SPOCK3: variants seen among roughly 807,000 people sequenced by gnomAD.
The protein encoded by SPOCK3 is SPARC (osteonectin), cwcv and kazal like domains proteoglycan 3, also known as testican-3.
Under a neutral mutation model 56.6 loss-of-function variants are expected in SPOCK3, and 30 were observed. The ratio of observed to expected loss-of-function variants is 0.53; its 90% CI spans 0.40 to 0.72. The LOEUF (loss-of-function observed/expected upper bound fraction) is 0.72, where lower values mean the gene tolerates loss of function less well. SPOCK3 is among the 30% of genes least tolerant of loss of function. The pLI, the probability that SPOCK3 is intolerant of heterozygous loss-of-function variation, is 0.00. For missense variants in SPOCK3, 527 were observed against 530.0 expected (o/e 0.99, Z 0.06); for synonymous variants, 196 against 183.3 (o/e 1.07, Z -0.56).
chr4:167,232,677 CATTT>C lies in SPOCK3; in HGVS notation c.189+1304_189+1307del, dbSNP rs1737295869. ...TGCAACGGGTATGCTTTTATAAGGG[CATTT>C]ATTTAGCAATAAAATGATGCTTAAG... On this transcript the variant is annotated intron_variant, in intron 2 of 10. Transcript: ENST00000357545. Among the ~76,000 whole-genome samples, 4 of 152,134 alleles carry C rather than the reference CATTT, an allele frequency of 2.6e-5. No individual in the cohort carries two copies. The South Asian group carries it at 8.3e-4, about 32-fold the overall frequency.
At chr4:166,984,042 A>C (rs1327018156) in intron 4 of SPOCK3, among the ~76,000 whole-genome samples, 1 of 152,098 alleles carries the variant, frequency 6.6e-6, no homozygotes, top group Non-Finnish European at 1.5e-5. Context: ...AAATAATAAA[A>C]TAATATCACC....
At chr4:167,085,876 T>C (rs530516918) in intron 2 of SPOCK3, among the ~76,000 whole-genome samples, 1 of 152,152 alleles carries the variant, frequency 6.6e-6, no homozygotes, top group East Asian at 1.9e-4. Context: ...ATGATATAGG[T>C]ATTTATGTCA....
At chr4:167,089,404 T>C (rs1271860642) in intron 2 of SPOCK3, among the ~76,000 whole-genome samples, 1 of 152,162 alleles carries the variant, frequency 6.6e-6, no homozygotes, top group South Asian at 2.1e-4. Flanking sequence ...TTTAAAAATA[T>C]CAGTTTTTGC....
At chr4:167,179,373 T>C (rs1043017114) in intron 2 of SPOCK3, among the ~76,000 whole-genome samples, 28 of 152,230 alleles carry the variant, frequency 1.8e-4, no homozygotes, top group African/African-American at 6.0e-4. Flanking sequence ...AAAAATACCA[T>C]AGACAATGCT....
chr4:167,076,107 T>C (rs1355620141), intron 2 of SPOCK3, among the ~76,000 whole-genome samples: 3 of 151,886 alleles, frequency 2.0e-5, no homozygotes, highest in Admixed American at 6.6e-5. Context: ...GGTAAAACTA[T>C]GGAGGCATGA....
intron 6 of SPOCK3, among the ~76,000 whole-genome samples, chr4:166,854,408 A>G (rs1354237977): frequency 6.6e-6 from 1 of 152,188 alleles, no homozygotes; most frequent in Non-Finnish European, 1.5e-5. Flanking sequence ...TATGTTTGGT[A>G]CTGTTTGTTC....
intron 3 of SPOCK3, among the ~76,000 whole-genome samples, chr4:167,020,310 G>C (rs762338765): frequency 1.3e-5 from 2 of 151,982 alleles, no homozygotes; most frequent in Admixed American, 6.6e-5. Context: ...TGGCCTCTAG[G>C]GGAAATTTCT....
At chr4:167,115,891 G>T (rs1212247059) in intron 2 of SPOCK3, among the ~76,000 whole-genome samples, 3 of 151,894 alleles carry the variant, frequency 2.0e-5, no homozygotes, top group African/African-American at 7.2e-5. Flanking sequence ...AATTGCAGAA[G>T]AAAAATAAAT....
chr4:166,995,482 C>A (rs1023991769), intron 4 of SPOCK3, among the ~76,000 whole-genome samples: 1 of 151,882 alleles, frequency 6.6e-6, no homozygotes, highest in African/African-American at 2.4e-5. Context: ...TGTTCATATA[C>A]ATAAAATTGA....
intron 4 of SPOCK3, among the ~76,000 whole-genome samples, chr4:166,917,455 G>A (rs1737987641): frequency 6.6e-6 from 1 of 152,104 alleles, no homozygotes. Flanking sequence ...AAAAACCTAA[G>A]CTGGCTGAAA....
At chr4:166,906,148 T>C (rs1736583291) in intron 5 of SPOCK3, among the ~76,000 whole-genome samples, 1 of 152,050 alleles carries the variant, frequency 6.6e-6, no homozygotes, top group African/African-American at 2.4e-5. Context: ...TGCATCTGAA[T>C]TCAAAAGTCA....
intron 2 of SPOCK3, among the ~76,000 whole-genome samples, chr4:167,143,211 GACCAC>G (rs549033932): frequency 1.0e-3 from 153 of 152,008 alleles, no homozygotes; most frequent in African/African-American, 3.2e-3. Flanking sequence ...CTGTCCAATA[GACCAC>G]ACATCCCTCC....
At chr4:166,841,430 T>A (rs901803826) in intron 6 of SPOCK3, among the ~76,000 whole-genome samples, 5 of 152,108 alleles carry the variant, frequency 3.3e-5, no homozygotes, top group African/African-American at 1.2e-4. Context: ...TTTAAAAAAA[T>A]TTCTTAAAGT....
At position 167,033,392 on chromosome 4, in the gene SPOCK3, CATT is replaced by C. The variant is rs55774234; in HGVS notation, c.235+29097_235+29099del. On this transcript the variant is annotated intron_variant, in intron 3 of 10. Coordinates refer to ENST00000357545, the MANE Select transcript of SPOCK3 (RefSeq NM_001040159.2). ...CATTTTCATAATATAAGCAATTATTCATTATTATTATTATTATTATTATTATTA... is the reference window on the plus strand; with the variant it reads ...CATTTTCATAATATAAGCAATTATTCATTATTATTATTATTATTATTATTA... Among the ~76,000 whole-genome samples the C allele has an allele frequency of 2.4e-3, 352 of 146,530 alleles. 2 individuals carry two copies. The highest frequency in any genetic ancestry group is 5.2e-3 in the East Asian group (26 of 4,996).
At chr4:167,067,829 TC>T (rs1561182699) in intron 2 of SPOCK3, among the ~76,000 whole-genome samples, 1 of 151,902 alleles carries the variant, frequency 6.6e-6, no homozygotes, top group Non-Finnish European at 1.5e-5. Flanking sequence ...AATAGTACTG[TC>T]TTACTTTTTT....
chr4:166,869,507 A>G (rs1732230298), intron 6 of SPOCK3, among the ~76,000 whole-genome samples: 1 of 152,116 alleles, frequency 6.6e-6, no homozygotes, highest in Non-Finnish European at 1.5e-5. Context: ...CATGTCTAGT[A>G]AAAACAGTTT....
chr4:167,027,361 C>T (rs1318814010), intron 3 of SPOCK3, among the ~76,000 whole-genome samples: 1 of 152,008 alleles, frequency 6.6e-6, no homozygotes, highest in Non-Finnish European at 1.5e-5. Context: ...TTCATACAAC[C>T]TCATCGTACC....
At chr4:167,181,825 A>C (rs1175544843) in intron 2 of SPOCK3, among the ~76,000 whole-genome samples, 1 of 152,098 alleles carries the variant, frequency 6.6e-6, no homozygotes, top group Non-Finnish European at 1.5e-5. Flanking sequence ...CTTCTCACTA[A>C]TTTTATCTGC....
At chr4:167,096,249 AT>A (rs1219374210) in intron 2 of SPOCK3, among the ~76,000 whole-genome samples, 1 of 151,838 alleles carries the variant, frequency 6.6e-6, no homozygotes, top group Admixed American at 6.6e-5. Flanking sequence ...AATAAACTTT[AT>A]TTTAAAAGCA....
Sources: allele counts gnomAD v4.1 joint callset (sites outside exome capture counted in the v4.1 genomes callset), GRCh38; gene constraint gnomAD v4.1.1; transcripts MANE v1.5; gene names NCBI Gene and HGNC (gene_info 2026-07-23, HGNC 2026-07-21).